The following JAM2 variants were observed in gnomAD, a reference collection of about 807,000 sequenced individuals.
JAM2 encodes the protein junctional adhesion molecule B.
Under a neutral mutation model 42.0 loss-of-function variants are expected in JAM2, and 17 were observed. That is an observed-to-expected ratio of 0.40 (90% confidence interval 0.28 to 0.61). JAM2 has a LOEUF of 0.61. Ranked by LOEUF, JAM2 falls within the 20% of genes least tolerant of loss-of-function variation. The pLI is 0.37. For missense variants in JAM2, 319 were observed against 358.3 expected, an observed-to-expected ratio of 0.89 and a Z score of 0.89; for synonymous variants, 118 against 128.6, an observed-to-expected ratio of 0.92 and a Z score of 0.56.
intron 2 of JAM2, among the ~76,000 whole-genome samples, chr21:25,687,900 T>A (rs1042690538): frequency 6.6e-6 from 1 of 152,236 alleles, no homozygotes; most frequent in African/African-American, 2.4e-5. Context: ...CTCTCTTTTG[T>A]CTTCATAACC....
chr21:25,688,752 A>T (rs943042164), intron 2 of JAM2, among the ~76,000 whole-genome samples: 2 of 152,256 alleles, frequency 1.3e-5, no homozygotes, highest in African/African-American at 4.8e-5. Context: ...GAAAAAAATT[A>T]GAAACTAAAT....
chr21:25,641,680 C>T (rs8130148), intron 1 of JAM2, among the ~76,000 whole-genome samples: 98,123 of 151,842 alleles, frequency 0.65, 32,689 homozygotes, highest in Non-Finnish European at 0.74. Context: ...TTCTCATATA[C>T]TCCACACCCA....
intron 6 of JAM2, among the ~76,000 whole-genome samples, chr21:25,702,986 G>C (rs1277416678): frequency 2.6e-5 from 4 of 152,044 alleles, no homozygotes; most frequent in Non-Finnish European, 4.4e-5. Context: ...CCAAGTAGCT[G>C]GGATTACAGG....
At chr21:25,701,128 A>G (rs922715984) in intron 5 of JAM2, among the ~76,000 whole-genome samples, 5 of 152,236 alleles carry the variant, frequency 3.3e-5, no homozygotes, top group African/African-American at 1.2e-4. Context: ...TTTAATTACC[A>G]GCTATAATAT....
chr21:25,680,741 G>C (rs1355259517), intron 1 of JAM2, among the ~76,000 whole-genome samples: 3 of 152,182 alleles, frequency 2.0e-5, no homozygotes, highest in African/African-American at 7.2e-5. Flanking sequence ...CCATAAAAAG[G>C]AGGTAGTTTA....
intron 1 of JAM2, among the ~76,000 whole-genome samples, chr21:25,668,111 G>A (rs2033268279): frequency 1.3e-5 from 2 of 152,178 alleles, no homozygotes; most frequent in Admixed American, 1.3e-4. Flanking sequence ...GCCTGATTGA[G>A]GATGAACAAG....
At chr21:25,702,986 G>T (rs1277416678) in intron 6 of JAM2, among the ~76,000 whole-genome samples, 2 of 152,044 alleles carry the variant, frequency 1.3e-5, no homozygotes, top group Non-Finnish European at 2.9e-5. Flanking sequence ...CCAAGTAGCT[G>T]GGATTACAGG....
intron 4 of JAM2, among the ~76,000 whole-genome samples, chr21:25,695,101 G>C (rs1335336085): frequency 3.3e-5 from 5 of 152,020 alleles, no homozygotes; most frequent in African/African-American, 1.2e-4. Context: ...AAGGGTCTTT[G>C]GTTTTCCTAG....
chr21:25,642,433 TA>T (rs1312304131), intron 1 of JAM2, among the ~76,000 whole-genome samples: 2 of 152,220 alleles, frequency 1.3e-5, no homozygotes, highest in Non-Finnish European at 2.9e-5. Flanking sequence ...CTTATGCTGT[TA>T]TTACATATTC....
intron 1 of JAM2, among the ~76,000 whole-genome samples, chr21:25,683,123 C>A (rs2033674722): frequency 1.4e-5 from 2 of 147,576 alleles, no homozygotes; most frequent in Admixed American, 1.4e-4. Context: ...GAGGGTGGGG[C>A]CTTTGCCAGG....
At chr21:25,647,162 T>C (rs755195374) in intron 1 of JAM2, among the ~76,000 whole-genome samples, 4 of 152,344 alleles carry the variant, frequency 2.6e-5, no homozygotes, top group South Asian at 4.1e-4. Context: ...TAAAAATGAA[T>C]GAATTGTTAA....
At chr21:25,673,971 C>G (rs1364164808) in intron 1 of JAM2, among the ~76,000 whole-genome samples, 1 of 152,154 alleles carries the variant, frequency 6.6e-6, no homozygotes, top group Non-Finnish European at 1.5e-5. Flanking sequence ...AGGGGTTTCC[C>G]CTTTTGCTTG....
intron 4 of JAM2, among the ~76,000 whole-genome samples, chr21:25,695,156 C>A (rs9978321): frequency 0.19 from 28,813 of 151,926 alleles, 2,870 homozygotes; most frequent in South Asian, 0.26. Context: ...TCCCTGGGTA[C>A]TTGAGATTAG....
chr21:25,654,629 CAG>C (rs750238642), intron 1 of JAM2, among the ~76,000 whole-genome samples: 1 of 124,090 alleles, frequency 8.1e-6, no homozygotes, highest in Non-Finnish European at 1.6e-5. Context: ...GCCTGGGCAA[CAG>C]AGTGAGACTT....
intron 1 of JAM2, among the ~76,000 whole-genome samples, chr21:25,669,463 C>T (rs147405239): frequency 2.8e-3 from 428 of 152,148 alleles, no homozygotes; most frequent in Non-Finnish European, 3.5e-3. Context: ...CATCCTCATA[C>T]GCGATTATTG....
At chr21:25,668,517 G>A (rs114636946) in intron 1 of JAM2, among the ~76,000 whole-genome samples, 222 of 152,308 alleles carry the variant, frequency 1.5e-3, no homozygotes, top group African/African-American at 4.4e-3. Flanking sequence ...GCTGTGATAC[G>A]TGGGATCACT....
At chr21:25,677,661 A>C (rs529492183) in intron 1 of JAM2, among the ~76,000 whole-genome samples, 2 of 152,212 alleles carry the variant, frequency 1.3e-5, no homozygotes, top group South Asian at 4.1e-4. Context: ...ATGTTTGAAA[A>C]GTTCAAAGGT....
chr21:25,708,386 T>C lies in JAM2; in HGVS notation c.806-1048T>C, dbSNP rs530719049. ...GACTTCACGACCAGCCTGGGAAACATAGGGAGACCCTTTCTTTACAAAAAA... is the reference window on the plus strand; with the variant it reads ...GACTTCACGACCAGCCTGGGAAACACAGGGAGACCCTTTCTTTACAAAAAA... On this transcript the variant is annotated intron_variant, in intron 7 of 9. Transcript: ENST00000480456. 7.2e-5 allele frequency among the ~76,000 whole-genome samples: 11 copies of C among 152,140 alleles called. No homozygotes were observed. The South Asian group carries it at 2.1e-3, about 29-fold the overall frequency.
intron 1 of JAM2, among the ~76,000 whole-genome samples, chr21:25,674,265 C>G (rs914281161): frequency 2.0e-5 from 3 of 152,018 alleles, no homozygotes; most frequent in African/African-American, 7.3e-5. Context: ...TGTGGTGGCA[C>G]GTGCCTGTGA....
Sources: allele counts gnomAD v4.1 joint callset (sites outside exome capture counted in the v4.1 genomes callset), GRCh38; gene constraint gnomAD v4.1.1; transcripts MANE v1.5; gene names NCBI Gene and HGNC (gene_info 2026-07-23, HGNC 2026-07-21).